Variants in AKAP11 observed in about 807,000 individuals in gnomAD.
AKAP11 encodes the protein A-kinase anchoring protein 11, also known as A-kinase anchor protein 11.
In AKAP11, 36 loss-of-function variants were observed where a neutral mutation model predicts 146.1. The observed-to-expected ratio is 0.25, with a 90% CI of 0.19 to 0.33. The LOEUF is 0.33. AKAP11 is among the 10% of genes least tolerant of loss of function. The pLI is 1.00. For synonymous variants in AKAP11, 780 were observed against 786.5 expected (o/e 0.99, Z 0.14); for missense variants, 2,201 against 2,197.0 (o/e 1.00, Z -0.04).
intron 5 of AKAP11, among the ~76,000 whole-genome samples, chr13:42,296,153 C>T (rs999207892): frequency 6.6e-6 from 1 of 152,264 alleles, no homozygotes; most frequent in African/African-American, 2.4e-5. Flanking sequence ...CTTTTTCCCT[C>T]GTGCTGCTTC....
intron 12 of AKAP11, 59 bp from the exon 13 acceptor site, chr13:42,319,024 TAAAAA>T: frequency 6.6e-7 from 1 of 1,513,694 alleles, no homozygotes; most frequent in Non-Finnish European, 8.9e-7. Flanking sequence ...ATATTGAAAA[TAAAAA>T]TAAAAGCTTT....
rs764792952 is a variant in AKAP11, at chr13:42,299,833, G to A, written c.1087G>A (p.Asp363Asn). 3 of 1,613,770 alleles carry A rather than the reference G, an allele frequency of 1.9e-6. No individual in the cohort carries two copies. Among genetic ancestry groups the A allele is most frequent in the Non-Finnish European group, 2.5e-6 (3 of 1,179,870 alleles). The change falls in exon 8 of 13, where the codon GAT (aspartate) becomes AAT (asparagine). Residue 363 changes from aspartate to asparagine, a missense_variant. Asp to Asn is a conservative substitution (Grantham distance 23, BLOSUM62 1). Coordinates refer to ENST00000025301, the MANE Select transcript of AKAP11 (RefSeq NM_016248.4). ...ATTTTTTGATAGTTTTGATCAGTTT[G>A]ATGAACTAGAACAAACTTTAGAGAC... ...SEFFDSFDQFDELEQTLETCL... is the reference protein window; with the variant it reads ...SEFFDSFDQFNELEQTLETCL...
chr13:42,292,860 G>A (rs1397856713), intron 4 of AKAP11, among the ~76,000 whole-genome samples: 1 of 152,050 alleles, frequency 6.6e-6, no homozygotes, highest in Non-Finnish European at 1.5e-5. Flanking sequence ...TGATTCTTAT[G>A]TTGATTTTTT....
intron 1 of AKAP11, among the ~76,000 whole-genome samples, chr13:42,283,389 T>TCG (rs1594304021): frequency 6.6e-6 from 1 of 152,342 alleles, no homozygotes; most frequent in South Asian, 2.1e-4. Context: ...GTCTGGATTT[T>TCG]TTCTTTTTAT....
In AKAP11 at chr13:42,301,234, G is replaced by A. The variant is rs1959880417; in HGVS notation, c.2488G>A (p.Ala830Thr). The change falls in exon 8 of 13, where the codon GCA becomes ACA. Residue 830 changes from alanine to threonine, a missense_variant. Around this residue, in one of 3 missense-constraint regions of AKAP11, gnomAD observed 1,867 missense variants for 1,833.5 expected, o/e 1.02. Coordinates refer to ENST00000025301, the MANE Select transcript of AKAP11 (RefSeq NM_016248.4). ...HIATKNREEK[A>T]ACLRNICLPS... ...TGCCACAAAAAACAGAGAAGAAAAA[G>A]CAGCTTGTCTCAGAAATATTTGTTT... The A allele has an allele frequency of 6.2e-7, 1 of 1,613,932 alleles. No homozygotes were observed. The highest frequency in any genetic ancestry group is 2.2e-5 in the East Asian group (1 of 44,868).
chr13:42,274,169 C>T (rs890671230), intron 1 of AKAP11, among the ~76,000 whole-genome samples: 10 of 151,580 alleles, frequency 6.6e-5, no homozygotes, highest in African/African-American at 2.4e-4. Flanking sequence ...GTTTTTTTTC[C>T]TGTCTTGTGG....
At chr13:42,294,220 G>A (rs1247432475) in intron 4 of AKAP11, among the ~76,000 whole-genome samples, 2 of 152,060 alleles carry the variant, frequency 1.3e-5, no homozygotes, top group Non-Finnish European at 2.9e-5. Context: ...CTTGAGAATC[G>A]ATTATTAATA....
At chr13:42,280,866 T>C (rs966900186) in intron 1 of AKAP11, among the ~76,000 whole-genome samples, 3 of 152,146 alleles carry the variant, frequency 2.0e-5, no homozygotes, top group Non-Finnish European at 4.4e-5. Flanking sequence ...AAGTCAGGAT[T>C]TGGCAATTTA....
At chr13:42,291,693 G>C (rs1338589840) in intron 3 of AKAP11, among the ~76,000 whole-genome samples, 2 of 152,320 alleles carry the variant, frequency 1.3e-5, no homozygotes, top group East Asian at 3.9e-4. Context: ...GGAAGACTGG[G>C]AAGTAAGGAC....
At position 42,301,244 on chromosome 13, in the gene AKAP11, T is replaced by C; in HGVS notation, c.2498T>C (p.Leu833Pro). ...AACAGAGAAGAAAAAGCAGCTTGTC[T>C]CAGAAATATTTGTTTACCTTCAGAA... ...TKNREEKAAC[L>P]RNICLPSEHN... Residue 833 changes from leucine to proline, a missense_variant, in exon 8 of 13, where the codon CTC becomes CCC. By Grantham distance (98) the Leu-to-Pro change is moderately conservative. Coordinates refer to ENST00000025301, the MANE Select transcript of AKAP11 (RefSeq NM_016248.4). The C allele has an allele frequency of 6.2e-7, 1 of 1,613,958 alleles. No individual in the cohort carries two copies. The highest frequency in any genetic ancestry group is 8.5e-7 in the Non-Finnish European group (1 of 1,179,956).
At chr13:42,312,717 G>A (rs1292601335) in intron 9 of AKAP11, among the ~76,000 whole-genome samples, 4 of 152,180 alleles carry the variant, frequency 2.6e-5, no homozygotes, top group African/African-American at 9.7e-5. Flanking sequence ...TATAGTTCAA[G>A]ATTGGTCCTA....
At position 42,319,996 on chromosome 13, in the gene AKAP11, C is replaced by G. The variant is rs971826937; in HGVS notation, c.*768C>G. 1 of 145,074 alleles carries G rather than the reference C, an allele frequency of 6.9e-6. No homozygotes were observed. Among genetic ancestry groups the G allele is most frequent in the African/African-American group, 2.5e-5 (1 of 39,982 alleles). The allele number at this position is 145,074 out of a possible 1,614,324, so 9.0% of individuals were successfully genotyped here. On this transcript the variant is annotated 3_prime_UTR_variant, in exon 13 of 13. Coordinates refer to ENST00000025301, the MANE Select transcript of AKAP11 (RefSeq NM_016248.4). ...CCAGTTTGTTCCCTCTTTTATTTTA[C>G]TGTTTTCTTTTTAGAAACCCACTGT... is the stretch of plus-strand genomic sequence containing the variant.
intron 8 of AKAP11, 142 bp from the exon 9 acceptor site, chr13:42,308,312 A>AT (rs1960380116): frequency 3.1e-6 from 2 of 650,478 alleles, no homozygotes; most frequent in Admixed American, 3.1e-5. Context: ...GCAGACTCAA[A>AT]TAAAGGATTA....
At chr13:42,277,408 AAGT>A (rs1958949635) in intron 1 of AKAP11, among the ~76,000 whole-genome samples, 1 of 152,238 alleles carries the variant, frequency 6.6e-6, no homozygotes, top group Non-Finnish European at 1.5e-5. Context: ...GTTGCTGAAT[AAGT>A]AGTTTTGAAG....
At chr13:42,274,288 T>C (rs1055057385) in intron 1 of AKAP11, among the ~76,000 whole-genome samples, 1 of 152,056 alleles carries the variant, frequency 6.6e-6, no homozygotes, top group African/African-American at 2.4e-5. Context: ...GCTGGTAATA[T>C]GGGGAAGAGA....
In AKAP11 at chr13:42,303,866, A is replaced by G. The variant is rs1192429801; in HGVS notation, c.5117+3A>G. On this transcript the variant is annotated splice_donor_region_variant and intron_variant, in intron 8 of 12. Coordinates refer to ENST00000025301, the MANE Select transcript of AKAP11 (RefSeq NM_016248.4). ...AATGTTGGGCATGCTGTTAGCAGGTAAGTTTCACGTTTCTTTTGGTTGTTA... is the reference window on the plus strand; with the variant it reads ...AATGTTGGGCATGCTGTTAGCAGGTGAGTTTCACGTTTCTTTTGGTTGTTA... 2.6e-6 allele frequency: 4 copies of G among 1,559,838 alleles called. No individual in the cohort carries two copies. The highest frequency in any genetic ancestry group is 3.5e-6 in the Non-Finnish European group (4 of 1,156,462).
At chr13:42,283,711 T>C (rs1959109017) in intron 1 of AKAP11, among the ~76,000 whole-genome samples, 1 of 152,242 alleles carries the variant, frequency 6.6e-6, no homozygotes, top group Non-Finnish European at 1.5e-5. Context: ...AGTTAATGTT[T>C]ATCTTTGCTC....
chr13:42,288,026 T>C (rs1361594180), intron 3 of AKAP11, among the ~76,000 whole-genome samples: 1 of 152,208 alleles, frequency 6.6e-6, no homozygotes, highest in East Asian at 1.9e-4. Context: ...GAATCCCTTT[T>C]AGATAAAAGT....
chr13:42,313,320 AT>A (rs1341016275), intron 10 of AKAP11, among the ~76,000 whole-genome samples, 190 bp downstream of exon 10: 5 of 152,226 alleles, frequency 3.3e-5, no homozygotes, highest in Non-Finnish European at 7.3e-5. Context: ...TATGACTGAC[AT>A]CTAATTGCAA....
Sources: gnomAD v4.1 joint callset for allele counts (sites outside exome capture counted in the v4.1 genomes callset) on GRCh38, gnomAD v4.1.1 for gene constraint, gnomAD v4.1.1 regional missense constraint, MANE v1.5 for transcripts, NCBI Gene and HGNC (gene_info 2026-07-23, HGNC 2026-07-21) for gene names.